Variants in DIP2C observed in about 807,000 individuals in gnomAD.
DIP2C encodes the protein disco-interacting protein 2 homolog C.
In DIP2C, 33 loss-of-function variants were observed where a neutral mutation model predicts 192.4. The observed-to-expected ratio is 0.17, with a 90% CI of 0.13 to 0.23. The LOEUF is 0.23. Ranked by LOEUF, DIP2C falls within the 10% of genes least tolerant of loss-of-function variation. The probability of loss-of-function intolerance (pLI) is 1.00; values close to 1 mark genes in which losing one functional copy is unlikely to be tolerated. For missense variants in DIP2C, 1,537 were observed against 2,110.1 expected (o/e 0.73, Z 5.32); for synonymous variants, 979 against 864.1 (o/e 1.13, Z -2.33).
At chr10:395,147 TGGGGGG>T (rs766875533) in intron 10 of DIP2C, among the ~76,000 whole-genome samples, 5 of 43,844 alleles carry the variant, frequency 1.1e-4, no homozygotes, top group African/African-American at 6.8e-4. Context: ...AGGGAGGAGA[TGGGGGG>T]GAGGGAGGAC....
intron 29 of DIP2C, among the ~76,000 whole-genome samples, chr10:333,582 C>T (rs1239909439): frequency 6.6e-6 from 1 of 152,202 alleles, no homozygotes; most frequent in African/African-American, 2.4e-5. Context: ...TTGTGTTGAC[C>T]GAGGTTCCAG....
intron 1 of DIP2C, among the ~76,000 whole-genome samples, chr10:607,675 G>A (rs2131739051): frequency 6.6e-6 from 1 of 152,294 alleles, no homozygotes; most frequent in African/African-American, 2.4e-5. Flanking sequence ...TGCAATGAGT[G>A]TGACTAGTTC....
intron 1 of DIP2C, among the ~76,000 whole-genome samples, chr10:550,030 A>C (rs1237782586): frequency 7.6e-6 from 1 of 131,528 alleles, no homozygotes; most frequent in African/African-American, 2.8e-5. Flanking sequence ...TTTTTCTCTT[A>C]AGACAGTCTC....
At chr10:625,360 T>C (rs896713403) in intron 1 of DIP2C, among the ~76,000 whole-genome samples, 1 of 152,148 alleles carries the variant, frequency 6.6e-6, no homozygotes, top group Admixed American at 6.5e-5. Flanking sequence ...ATCCTAAAAA[T>C]GGGCAGTTGG....
At chr10:286,739 G>T (rs978998688) in intron 33 of DIP2C, among the ~76,000 whole-genome samples, 3 of 152,164 alleles carry the variant, frequency 2.0e-5, no homozygotes, top group Non-Finnish European at 4.4e-5. Context: ...TTGTTTCAAT[G>T]AAGTTATTTA....
chr10:320,827 C>T (rs1365274835), intron 31 of DIP2C, among the ~76,000 whole-genome samples: 1 of 152,154 alleles, frequency 6.6e-6, no homozygotes, highest in Non-Finnish European at 1.5e-5. Flanking sequence ...GCGACATGGA[C>T]ATGGTGATAA....
At chr10:307,087 C>T (rs554777415) in intron 32 of DIP2C, among the ~76,000 whole-genome samples, 12 of 152,218 alleles carry the variant, frequency 7.9e-5, no homozygotes, top group African/African-American at 2.9e-4. Context: ...CTTGTGGCCC[C>T]TCTTTCCCTC....
chr10:534,643 TAC>T (rs1394499433), intron 1 of DIP2C, among the ~76,000 whole-genome samples: 1 of 152,032 alleles, frequency 6.6e-6, no homozygotes, highest in Non-Finnish European at 1.5e-5. Flanking sequence ...GCTGTCATCT[TAC>T]AGTGTTTGTC....
intron 1 of DIP2C, among the ~76,000 whole-genome samples, chr10:643,236 C>T (rs1014123129): frequency 2.1e-5 from 3 of 142,422 alleles, no homozygotes; most frequent in Non-Finnish European, 3.0e-5. Context: ...AAAAACAGGC[C>T]GGGCACGGTG....
chr10:682,533 T>A (rs1831171166), intron 1 of DIP2C, among the ~76,000 whole-genome samples: 1 of 151,824 alleles, frequency 6.6e-6, no homozygotes, highest in South Asian at 2.1e-4. Flanking sequence ...CTGTGATACA[T>A]CAACCCAAAG....
At chr10:545,128 T>TA (rs1848210950) in intron 1 of DIP2C, among the ~76,000 whole-genome samples, 1 of 150,234 alleles carries the variant, frequency 6.7e-6, no homozygotes, top group Non-Finnish European at 1.5e-5. Flanking sequence ...CATAAGATCT[T>TA]AAGAGTAGGC....
intron 2 of DIP2C, among the ~76,000 whole-genome samples, chr10:473,585 G>T (rs1484993922): frequency 1.3e-5 from 2 of 151,898 alleles, no homozygotes; most frequent in Non-Finnish European, 2.9e-5. Flanking sequence ...GAACGGCTCT[G>T]ATACCACAGA....
At chr10:335,215 TACTTA>T (rs561233733) in intron 29 of DIP2C, among the ~76,000 whole-genome samples, 143 of 152,366 alleles carry the variant, frequency 9.4e-4, no homozygotes, top group African/African-American at 3.2e-3. Flanking sequence ...TTATTTGTGT[TACTTA>T]ACTTTCAAAC....
intron 1 of DIP2C, among the ~76,000 whole-genome samples, chr10:669,965 T>G (rs1857342633): frequency 6.6e-6 from 1 of 152,208 alleles, no homozygotes; most frequent in Admixed American, 6.5e-5. Context: ...TATCGAATGT[T>G]CATCTTTATT....
At chr10:432,043 T>C (rs1966861668) in intron 4 of DIP2C, among the ~76,000 whole-genome samples, 1 of 152,228 alleles carries the variant, frequency 6.6e-6, no homozygotes, top group South Asian at 2.1e-4. Context: ...TTAAAGCAGC[T>C]TTGGATGCGT....
chr10:610,663 T>C (rs1037668141), intron 1 of DIP2C, among the ~76,000 whole-genome samples: 140 of 152,310 alleles, frequency 9.2e-4, no homozygotes, highest in African/African-American at 3.0e-3. Context: ...TGGCTGTGTG[T>C]CCCCACCCAA....
At chr10:472,945 A>G (rs578190065) in intron 2 of DIP2C, among the ~76,000 whole-genome samples, 2 of 152,380 alleles carry the variant, frequency 1.3e-5, no homozygotes, top group South Asian at 2.1e-4. Flanking sequence ...AAGAAAATTT[A>G]AAAGTATATT....
intron 3 of DIP2C, among the ~76,000 whole-genome samples, chr10:469,056 C>T (rs574319253): frequency 3.0e-4 from 45 of 152,164 alleles, no homozygotes; most frequent in African/African-American, 1.0e-3. Context: ...GAATTGGAGA[C>T]CATCATCTGT....
At chr10:506,801 C>T (rs1244540428) in intron 1 of DIP2C, among the ~76,000 whole-genome samples, 3 of 152,228 alleles carry the variant, frequency 2.0e-5, no homozygotes, top group Non-Finnish European at 4.4e-5. Flanking sequence ...ACCCAGGAAA[C>T]GAGCCCCTCA....
Sources: gnomAD v4.1 joint callset for allele counts (sites outside exome capture counted in the v4.1 genomes callset) on GRCh38, gnomAD v4.1.1 for gene constraint, MANE v1.5 for transcripts, NCBI Gene and HGNC (gene_info 2026-07-23, HGNC 2026-07-21) for gene names.